PCDHGA2: variants seen among roughly 807,000 people sequenced by gnomAD.
PCDHGA2 encodes the protein protocadherin gamma subfamily A, 2, also known as protocadherin gamma-A2.
In PCDHGA2, 40 loss-of-function variants were observed where a neutral mutation model predicts 59.2. That is an observed-to-expected ratio of 0.68 (90% CI 0.52 to 0.88). The LOEUF (loss-of-function observed/expected upper bound fraction) is 0.88, where lower values mean the gene tolerates loss of function less well. Among genes scored for constraint, PCDHGA2 ranks in the 40% least tolerant of loss-of-function variants. PCDHGA2 has a pLI of 0.00. For synonymous variants in PCDHGA2, 560 were observed against 526.0 expected, an observed-to-expected ratio of 1.06 and a Z score of -0.89; for missense variants, 1,226 against 1,204.0, an observed-to-expected ratio of 1.02 and a Z score of -0.27.
intron 1 of PCDHGA2, chr5:141,415,308 C>G (rs2154545628): frequency 6.2e-7 from 1 of 1,614,236 alleles, no homozygotes; most frequent in Non-Finnish European, 8.5e-7. Context: ...TCCTGGCCTT[C>G]GTCATCGTGC....
intron 1 of PCDHGA2, chr5:141,414,354 T>C (rs1389145668): frequency 1.2e-6 from 2 of 1,613,800 alleles, no homozygotes; most frequent in Admixed American, 1.7e-5. Flanking sequence ...TTTTGGCGTA[T>C]CTACCATTTA....
At chr5:141,394,419 G>C in intron 1 of PCDHGA2, 1 of 1,614,224 alleles carries the variant, frequency 6.2e-7, no homozygotes, top group East Asian at 2.2e-5. Context: ...AACAGCCAGC[G>C]ACAGCGGGGA....
intron 1 of PCDHGA2, chr5:141,398,475 T>C (rs1201280028): frequency 2.0e-5 from 32 of 1,607,296 alleles, no homozygotes; most frequent in Admixed American, 1.7e-4. Flanking sequence ...CACTGAACTT[T>C]TATCACGTGA....
Position 141,486,895 on chromosome 5 carries a change from C to T in PCDHGA2, c.2425-7912C>T, listed in dbSNP as rs1286004461. ...TCCGTCCTCGGGCCCGGCCTGGTTC[C>T]TTATGTCCCCAAGCACTGCCTCCAT... On this transcript the variant is annotated intron_variant, in intron 1 of 3. Coordinates refer to ENST00000394576, the MANE Select transcript of PCDHGA2 (RefSeq NM_018915.4). This position sits in a 1 kb window ranked among gnomAD's most constrained non-coding sequence, Gnocchi z 5.0. 3 of 1,614,134 alleles carry T rather than the reference C, an allele frequency of 1.9e-6. No homozygotes were observed. The highest frequency in any genetic ancestry group is 3.3e-5 in the Admixed American group (2 of 60,012).
At chr5:141,405,955 CCTG>C (rs1293666113) in intron 1 of PCDHGA2, among the ~76,000 whole-genome samples, 4 of 152,056 alleles carry the variant, frequency 2.6e-5, no homozygotes, top group African/African-American at 9.7e-5. Context: ...TAATAATTAA[CCTG>C]CTGTCAACGT....
At chr5:141,427,515 G>A (rs753526003) in intron 1 of PCDHGA2, 16 of 596,944 alleles carry the variant, frequency 2.7e-5, no homozygotes, top group African/African-American at 2.2e-4. Context: ...CCTGGATTGG[G>A]AGCGGATCCC....
At chr5:141,385,173 C>A in intron 1 of PCDHGA2, 1 of 1,614,188 alleles carries the variant, frequency 6.2e-7, no homozygotes. Context: ...ATGAGGTCTC[C>A]CTCACCGCGG....
chr5:141,409,942 C>G, intron 1 of PCDHGA2: 2 of 1,613,284 alleles, frequency 1.2e-6, no homozygotes, highest in Non-Finnish European at 1.7e-6. Context: ...TGGTACCTCG[C>G]TCTGCAGAGC....
chr5:141,462,811 T>C (rs893444929), intron 1 of PCDHGA2, among the ~76,000 whole-genome samples: 1 of 152,206 alleles, frequency 6.6e-6, no homozygotes, highest in Non-Finnish European at 1.5e-5. Context: ...ATAATGTTTT[T>C]ATTGGACAGC....
intron 1 of PCDHGA2, chr5:141,426,513 C>G (rs780618436): frequency 2.3e-5 from 8 of 341,028 alleles, no homozygotes; most frequent in African/African-American, 4.3e-5. Flanking sequence ...AATACTTTAC[C>G]GTGAACACGG....
At chr5:141,415,454 A>G (rs899212436) in intron 1 of PCDHGA2, 2 of 1,614,162 alleles carry the variant, frequency 1.2e-6, no homozygotes, top group Non-Finnish European at 8.5e-7. Flanking sequence ...TATTCCCACG[A>G]GGTCTCTCTC....
At chr5:141,360,849 C>T (rs1761771921) in intron 1 of PCDHGA2, 2 of 1,613,872 alleles carry the variant, frequency 1.2e-6, no homozygotes, top group African/African-American at 2.7e-5. Context: ...CCAACGATAA[C>T]CCTCCAGTGT....
At chr5:141,381,812 CTTTCT>C (rs1426701973) in intron 1 of PCDHGA2, among the ~76,000 whole-genome samples, 18 of 129,486 alleles carry the variant, frequency 1.4e-4, no homozygotes, top group African/African-American at 3.6e-4. Context: ...TTCTTTCTTT[CTTTCT>C]TTCTTCTTCT....
intron 1 of PCDHGA2, among the ~76,000 whole-genome samples, chr5:141,444,402 C>T (rs916833331): frequency 6.6e-6 from 1 of 151,932 alleles, no homozygotes; most frequent in African/African-American, 2.4e-5. Flanking sequence ...AACTCCCAAC[C>T]TCAGGTGATC....
chr5:141,454,076 T>A (rs190918056), intron 1 of PCDHGA2, among the ~76,000 whole-genome samples: 2 of 152,352 alleles, frequency 1.3e-5, no homozygotes, highest in East Asian at 3.8e-4. Flanking sequence ...TGATAATGTT[T>A]TCAGTGAAAT....
chr5:141,362,144 A>G lies in PCDHGA2; in HGVS notation c.2424+20749A>G, dbSNP rs1310397180. 5 of 1,614,008 alleles carry G rather than the reference A, an allele frequency of 3.1e-6. 1 individual carries two copies. In the South Asian group the frequency reaches 5.5e-5, roughly 18 times the overall value. ...CTAATCTTCGCGGATAGCCTGCAAGAGGTATTGCCAGACCTCAGCGACCGC... is the reference window on the plus strand; with the variant it reads ...CTAATCTTCGCGGATAGCCTGCAAGGGGTATTGCCAGACCTCAGCGACCGC... On this transcript the variant is annotated intron_variant, in intron 1 of 3. Coordinates refer to ENST00000394576, the MANE Select transcript of PCDHGA2 (RefSeq NM_018915.4).
intron 1 of PCDHGA2, among the ~76,000 whole-genome samples, chr5:141,354,556 A>G (rs376239223): frequency 6.6e-6 from 1 of 152,248 alleles, no homozygotes; most frequent in Non-Finnish European, 1.5e-5. Flanking sequence ...AACTCCTGTG[A>G]GGAAACTTGT....
chr5:141,341,693 G>T, intron 1 of PCDHGA2: 1 of 546,986 alleles, frequency 1.8e-6, no homozygotes, highest in South Asian at 2.9e-5. Flanking sequence ...CTCCATCCCT[G>T]GGCAAATCAT....
chr5:141,357,690 TTTTA>T, intron 1 of PCDHGA2: 1 of 1,558,960 alleles, frequency 6.4e-7, no homozygotes, highest in Non-Finnish European at 8.7e-7. Flanking sequence ...ATGTCTCTCA[TTTTA>T]TATGTAATAT....
Sources: gnomAD v4.1 joint callset for allele counts (sites outside exome capture counted in the v4.1 genomes callset) on GRCh38, gnomAD v4.1.1 for gene constraint, Gnocchi (gnomAD v3.1) non-coding constraint, MANE v1.5 for transcripts, NCBI Gene and HGNC (gene_info 2026-07-23, HGNC 2026-07-21) for gene names.